Variants in METTL25 observed in about 807,000 individuals in gnomAD.
METTL25 encodes the protein probable methyltransferase-like protein 25.
METTL25 carries 64 observed loss-of-function variants against 71.6 expected under a neutral mutation model. That is an observed-to-expected ratio of 0.89 (90% confidence interval 0.73 to 1.10). The LOEUF (loss-of-function observed/expected upper bound fraction) is 1.10, where lower values mean the gene tolerates loss of function less well. METTL25 is among the 50% of genes least tolerant of loss of function. METTL25 has a pLI of 0.00. For synonymous variants in METTL25, 287 were observed against 250.3 expected (o/e 1.15, Z -1.38); for missense variants, 807 against 707.0 (o/e 1.14, Z -1.60).
Position 82,386,840 on chromosome 12 carries a change from T to G in METTL25, c.297T>G (p.Ser99=), listed in dbSNP as rs1204510855. The part of the protein sequence containing the change: ...TDFPKIFCET[S]QKLVSVEAFA... ...TTCCCAAAATATTTTGTGAAACTTC[T>G]CAGAAGTTGGTGAGTGTGGAAGCCT... Residue 99 remains serine (S), a synonymous_variant, in exon 2 of 12, where the codon TCT becomes TCG. Coordinates refer to ENST00000248306, the MANE Select transcript of METTL25 (RefSeq NM_032230.3). 1 of 1,613,382 alleles carries G rather than the reference T, an allele frequency of 6.2e-7. No homozygotes were observed.
chr12:82,446,392 G>A (rs1264069857), intron 8 of METTL25, among the ~76,000 whole-genome samples: 5 of 151,940 alleles, frequency 3.3e-5, no homozygotes, highest in Non-Finnish European at 5.9e-5. Context: ...TCAGCACATG[G>A]ATCATTACCC....
At chr12:82,446,611 CTTTTTTTT>C (rs1033730185) in intron 8 of METTL25, among the ~76,000 whole-genome samples, 54 of 134,340 alleles carry the variant, frequency 4.0e-4, no homozygotes, top group Middle Eastern at 3.6e-3. Context: ...TTTAAAATTT[CTTTTTTTT>C]TTTTTTTTTG....
intron 1 of METTL25, among the ~76,000 whole-genome samples, chr12:82,380,246 T>G (rs1406108767): frequency 6.6e-6 from 1 of 152,150 alleles, no homozygotes; most frequent in East Asian, 1.9e-4. Flanking sequence ...CTTGCATTAC[T>G]TTGCCAAGGA....
intron 9 of METTL25, among the ~76,000 whole-genome samples, chr12:82,470,567 CAG>C (rs1892513442): frequency 7.2e-6 from 1 of 139,292 alleles, no homozygotes; most frequent in Non-Finnish European, 1.5e-5. Context: ...ATGAAGAAGA[CAG>C]GGCAGAAATG....
intron 3 of METTL25, among the ~76,000 whole-genome samples, chr12:82,390,214 T>G (rs1885443902): frequency 6.6e-6 from 1 of 152,048 alleles, no homozygotes. Flanking sequence ...TTTGATAAAT[T>G]TTCTCTCCAG....
At position 82,476,719 on chromosome 12, in the gene METTL25, G is replaced by C; in HGVS notation, c.1647+1G>C. 6.4e-7 allele frequency: 1 copy of C among 1,570,648 alleles called. No homozygotes were observed. The highest frequency in any genetic ancestry group is 8.7e-7 in the Non-Finnish European group (1 of 1,152,616). On this transcript the variant is annotated splice_donor_variant, in intron 10 of 11. Coordinates refer to ENST00000248306, the MANE Select transcript of METTL25 (RefSeq NM_032230.3). LOFTEE classifies it high-confidence loss of function. ...GAATGAGCTGGAAGCTTTTAATATG[G>C]TAAATCTCAGAGTTAAGCATATTAA...
At chr12:82,405,619 A>G (rs1299760658) in intron 5 of METTL25, among the ~76,000 whole-genome samples, 4 of 152,216 alleles carry the variant, frequency 2.6e-5, no homozygotes. Context: ...TTAAACTGTT[A>G]GCAAATATTC....
At chr12:82,403,177 G>A (rs769387736) in intron 5 of METTL25, 47 bp downstream of exon 5, 24 of 1,516,922 alleles carry the variant, frequency 1.6e-5, no homozygotes, top group Non-Finnish European at 2.1e-5. Context: ...TGAGCATAAT[G>A]AAATATGCTA....
In METTL25 at chr12:82,434,678, G is replaced by GT. The variant is rs1472218015; in HGVS notation, c.1375-10dup. The GT allele has an allele frequency of 8.7e-6, 14 of 1,606,388 alleles. No individual in the cohort carries two copies. Among genetic ancestry groups the GT allele is most frequent in the South Asian group, 2.2e-5 (2 of 90,866 alleles). On this transcript the variant is annotated splice_polypyrimidine_tract_variant and intron_variant, in intron 6 of 11. Transcript: ENST00000248306. ...ACTCAATATATCAACAATCTGTCTT[G>GT]TTTTTTTCCCTTTAAGGCATTGGAG... is the stretch of plus-strand genomic sequence containing the variant.
intron 1 of METTL25, among the ~76,000 whole-genome samples, chr12:82,360,361 T>G (rs1038172784): frequency 1.3e-5 from 2 of 152,056 alleles, no homozygotes; most frequent in African/African-American, 4.8e-5. Context: ...GTTCTGTTAT[T>G]GTCGATTTGT....
At chr12:82,434,557 CTGT>C (rs769938011) in intron 6 of METTL25, 135 bp from the exon 7 acceptor site, 4 of 668,940 alleles carry the variant, frequency 6.0e-6, no homozygotes, top group East Asian at 2.8e-5. Flanking sequence ...GATATTAACA[CTGT>C]TAAGTGCATA....
intron 8 of METTL25, among the ~76,000 whole-genome samples, chr12:82,454,749 A>G (rs1325421582): frequency 1.3e-5 from 2 of 151,938 alleles, no homozygotes; most frequent in African/African-American, 4.8e-5. Context: ...CTATACTTAC[A>G]CTATATTCTC....
chr12:82,369,825 G>A (rs1238734479), intron 1 of METTL25, among the ~76,000 whole-genome samples: 2 of 152,036 alleles, frequency 1.3e-5, no homozygotes, highest in Non-Finnish European at 2.9e-5. Context: ...GACACAGAAT[G>A]CTAATTGGTG....
At chr12:82,421,090 G>T (rs1345142521) in intron 5 of METTL25, among the ~76,000 whole-genome samples, 1 of 152,134 alleles carries the variant, frequency 6.6e-6, no homozygotes, top group Non-Finnish European at 1.5e-5. Context: ...TTGAACTCCT[G>T]ACCTCAGGTG....
At chr12:82,400,710 G>T (rs1418374756) in intron 4 of METTL25, among the ~76,000 whole-genome samples, 1 of 152,030 alleles carries the variant, frequency 6.6e-6, no homozygotes, top group Non-Finnish European at 1.5e-5. Context: ...TATACTGGAA[G>T]AATGTTTCTT....
chr12:82,433,949 T>C (rs1403457212), intron 6 of METTL25, among the ~76,000 whole-genome samples: 1 of 151,412 alleles, frequency 6.6e-6, no homozygotes, highest in South Asian at 2.1e-4. Context: ...ATCTAAAAAC[T>C]CAAAGTTTCA....
intron 8 of METTL25, among the ~76,000 whole-genome samples, chr12:82,447,195 T>C (rs1008897921): frequency 1.3e-5 from 2 of 152,024 alleles, no homozygotes; most frequent in Non-Finnish European, 2.9e-5. Context: ...CATTATCTAA[T>C]AAAATGGAAA....
chr12:82,442,509 A>G (rs2642021), intron 8 of METTL25, among the ~76,000 whole-genome samples: 138,497 of 152,212 alleles, frequency 0.91, 63,579 homozygotes, highest in East Asian at 1. Context: ...TTCTATTTAT[A>G]TACATTCTTG....
Position 82,386,919 on chromosome 12 carries a change from T to A in METTL25, c.376T>A (p.Phe126Ile). ...SVQNLGICTP[F>I]EQLLVALRGN... ...ACAAAACTTGGGAATATGTACTCCT[T>A]TTGAACAGTTGCTTGTAGCCCTTCG... The change falls in exon 2 of 12, where the codon TTT becomes ATT. Residue 126 changes from phenylalanine to isoleucine, a missense_variant. By Grantham distance (21) the Phe-to-Ile change is conservative. Transcript: ENST00000248306. 6.2e-7 allele frequency: 1 copy of A among 1,613,454 alleles called. No homozygotes were observed. Among genetic ancestry groups the A allele is most frequent in the Non-Finnish European group, 8.5e-7 (1 of 1,179,596 alleles).
Sources: allele counts gnomAD v4.1 joint callset (sites outside exome capture counted in the v4.1 genomes callset), GRCh38; gene constraint gnomAD v4.1.1; transcripts MANE v1.5; gene names NCBI Gene and HGNC (gene_info 2026-07-23, HGNC 2026-07-21).